The following DGLUCY variants were observed in gnomAD, a reference collection of about 807,000 sequenced individuals.
The protein encoded by DGLUCY is D-glutamate cyclase, mitochondrial.
Under a neutral mutation model 58.5 loss-of-function variants are expected in DGLUCY, and 58 were observed. The observed-to-expected ratio is 0.99, with a 90% CI of 0.80 to 1.23. The LOEUF is 1.23. DGLUCY is among the 50% of genes most tolerant of loss of function. The pLI, the probability that DGLUCY is intolerant of heterozygous loss-of-function variation, is 0.00. For synonymous variants in DGLUCY, 325 were observed against 314.1 expected (o/e 1.03, Z -0.37); for missense variants, 779 against 784.7 (o/e 0.99, Z 0.09).
At chr14:91,151,797 G>A (rs891589504) in intron 1 of DGLUCY, among the ~76,000 whole-genome samples, 8 of 151,968 alleles carry the variant, frequency 5.3e-5, no homozygotes, top group African/African-American at 1.9e-4. Flanking sequence ...TGGAATTACA[G>A]GCGTGCGCCT....
chr14:91,135,004 A>G (rs545536395), intron 1 of DGLUCY, among the ~76,000 whole-genome samples: 4 of 151,554 alleles, frequency 2.6e-5, no homozygotes, highest in Non-Finnish European at 5.9e-5. Context: ...TGCTCATTGC[A>G]ACCTCCCCCT....
chr14:91,174,277 A>G (rs2048738990), intron 6 of DGLUCY, among the ~76,000 whole-genome samples: 1 of 152,120 alleles, frequency 6.6e-6, no homozygotes, highest in African/African-American at 2.4e-5. Flanking sequence ...TATCCTTTGC[A>G]ATATCCTTTA....
chr14:91,138,052 C>T lies in DGLUCY; in HGVS notation c.-81-19587C>T, dbSNP rs975244203. Among the ~76,000 whole-genome samples, 4 of 152,164 alleles carry T rather than the reference C, an allele frequency of 2.6e-5. No homozygotes were observed. The South Asian group carries it at 8.3e-4, about 31-fold the overall frequency. On this transcript the variant is annotated intron_variant, in intron 1 of 13. Coordinates refer to ENST00000256324, the MANE Select transcript of DGLUCY (RefSeq NM_001102368.3). ...TTTTTATATCTATACTCATTAGTTACATTGACCTGACACTTTCCTCTTTGG... is the reference window on the plus strand; with the variant it reads ...TTTTTATATCTATACTCATTAGTTATATTGACCTGACACTTTCCTCTTTGG...
In DGLUCY at chr14:91,167,269, C is replaced by T; in HGVS notation, c.148C>T (p.Pro50Ser). 2 of 1,612,164 alleles carry T rather than the reference C, an allele frequency of 1.2e-6. No individual in the cohort carries two copies. The highest frequency in any genetic ancestry group is 2.2e-5 in the South Asian group (2 of 90,724). ...SLVVLPRSLAPAFERFCQVNT... is the reference protein window; with the variant it reads ...SLVVLPRSLASAFERFCQVNT... ...GGTGGTCCTGCCCAGGTCCCTTGCT[C>T]CAGCTTTTGAAAGATTCTGCCAGGT... is the stretch of plus-strand genomic sequence containing the variant. Residue 50 changes from proline (P) to serine (S), a missense_variant, in exon 4 of 14, where the codon CCA becomes TCA. By Grantham distance (74) the Pro-to-Ser change is moderately conservative (BLOSUM62 -1). Transcript: ENST00000256324.
chr14:91,148,307 C>A (rs773870238), intron 1 of DGLUCY, among the ~76,000 whole-genome samples: 2 of 151,578 alleles, frequency 1.3e-5, no homozygotes, highest in East Asian at 2.0e-4. Context: ...AAGGCTCAAG[C>A]GATATTCCTA....
In DGLUCY at chr14:91,181,402, A is replaced by G. The variant is rs760681507; in HGVS notation, c.934+13A>G. 1.9e-6 allele frequency: 3 copies of G among 1,609,354 alleles called. No individual in the cohort carries two copies. Among genetic ancestry groups the G allele is most frequent in the Non-Finnish European group, 2.5e-6 (3 of 1,177,800 alleles). ...GGCATAGACCCAGGTAAGAAACAAC[A>G]CATTTGCTCGGCATAGACCCAGGTA... On this transcript the variant is annotated intron_variant, in intron 8 of 13. Transcript: ENST00000256324.
At chr14:91,178,266 A>C (rs1291545722) in intron 7 of DGLUCY, among the ~76,000 whole-genome samples, 1 of 152,126 alleles carries the variant, frequency 6.6e-6, no homozygotes, top group Non-Finnish European at 1.5e-5. Flanking sequence ...CCTAGGCTCA[A>C]GCAATCCTCC....
chr14:91,170,345 A>G (rs1252042450), intron 5 of DGLUCY, 144 bp downstream of exon 5: 46 of 933,144 alleles, frequency 4.9e-5, no homozygotes, highest in Non-Finnish European at 6.6e-5. Context: ...TAGCTGTGCA[A>G]CCCAGGAGAA....
At chr14:91,221,402 T>A (rs1333844284) in intron 13 of DGLUCY, among the ~76,000 whole-genome samples, 2 of 151,614 alleles carry the variant, frequency 1.3e-5, no homozygotes, top group Non-Finnish European at 2.9e-5. Flanking sequence ...GATGGGTGGA[T>A]GGAGGGATGG....
At chr14:91,143,475 C>A (rs1055911039) in intron 1 of DGLUCY, among the ~76,000 whole-genome samples, 1 of 152,170 alleles carries the variant, frequency 6.6e-6, no homozygotes, top group African/African-American at 2.4e-5. Context: ...GAGGACAAAG[C>A]CTTAGGTGTA....
chr14:91,197,936 T>C (rs1182224684), intron 10 of DGLUCY, among the ~76,000 whole-genome samples: 1 of 152,210 alleles, frequency 6.6e-6, no homozygotes, highest in Non-Finnish European at 1.5e-5. Context: ...ATATGGTATG[T>C]TCTATTTTTA....
At chr14:91,133,792 C>CACCG (rs1462790020) in intron 1 of DGLUCY, among the ~76,000 whole-genome samples, 1 of 152,164 alleles carries the variant, frequency 6.6e-6, no homozygotes, top group Non-Finnish European at 1.5e-5. Flanking sequence ...TCCGTGTCCT[C>CACCG]ACCGATACTT....
chr14:91,111,202 ATGTGTG>A (rs71120113), upstream of DGLUCY, among the ~76,000 whole-genome samples: 7 of 46,352 alleles, frequency 1.5e-4, no homozygotes, highest in African/African-American at 3.0e-4. Flanking sequence ...ATTTATATAT[ATGTGTG>A]TGTGTGTGTG....
intron 1 of DGLUCY, among the ~76,000 whole-genome samples, chr14:91,077,770 G>A (rs868241227): frequency 2.6e-4 from 37 of 144,386 alleles, no homozygotes; most frequent in African/African-American, 9.3e-4. Context: ...AAAAGAGAGA[G>A]AGAAAGAGAG....
intron 12 of DGLUCY, among the ~76,000 whole-genome samples, chr14:91,211,257 C>A (rs967828797): frequency 2.0e-5 from 3 of 152,146 alleles, no homozygotes; most frequent in Admixed American, 6.5e-5. Context: ...TCAGTTCTCC[C>A]AACTTGATCA....
chr14:91,147,790 T>C (rs1055411879), intron 1 of DGLUCY: 6 of 152,260 alleles, frequency 3.9e-5, no homozygotes, highest in African/African-American at 1.2e-4. Context: ...GGTGGCATTC[T>C]TCTTCAGAGC....
At chr14:91,142,335 G>A (rs1191014692) in intron 1 of DGLUCY, among the ~76,000 whole-genome samples, 2 of 151,944 alleles carry the variant, frequency 1.3e-5, no homozygotes, top group Non-Finnish European at 2.9e-5. Flanking sequence ...GCACTCCAGG[G>A]TCCTGGAGAG....
chr14:91,157,956 C>T (rs1005169518), intron 2 of DGLUCY, among the ~76,000 whole-genome samples: 1 of 152,216 alleles, frequency 6.6e-6, no homozygotes, highest in African/African-American at 2.4e-5. Context: ...CTGCTGCCCT[C>T]TAGGGTAATA....
upstream of DGLUCY, among the ~76,000 whole-genome samples, chr14:91,113,265 A>G (rs2044742408): frequency 1.3e-5 from 2 of 152,126 alleles, no homozygotes; most frequent in Admixed American, 1.3e-4. Flanking sequence ...GTGCCACTGC[A>G]CTCCGGCCTG....
Sources: allele counts gnomAD v4.1 joint callset (sites outside exome capture counted in the v4.1 genomes callset), GRCh38; gene constraint gnomAD v4.1.1; transcripts MANE v1.5; gene names NCBI Gene and HGNC (gene_info 2026-07-23, HGNC 2026-07-21).